VPS54: variants seen among roughly 807,000 people sequenced by gnomAD.
VPS54 encodes vacuolar protein sorting-associated protein 54.
A neutral mutation model predicts 121.5 loss-of-function variants in VPS54; 45 were observed. That is an observed-to-expected ratio of 0.37 (90% confidence interval 0.29 to 0.47). The LOEUF (loss-of-function observed/expected upper bound fraction) is 0.47. Among genes scored for constraint, VPS54 ranks in the 20% least tolerant of loss-of-function variants. The pLI is 0.99. For missense variants in VPS54, 1,090 were observed against 1,131.4 expected, an observed-to-expected ratio of 0.96 and a Z score of 0.52; for synonymous variants, 371 against 385.8, an observed-to-expected ratio of 0.96 and a Z score of 0.45.
chr2:63,908,252 C>T (rs1270192473), intron 20 of VPS54, among the ~76,000 whole-genome samples: 1 of 152,100 alleles, frequency 6.6e-6, no homozygotes, highest in Non-Finnish European at 1.5e-5. Context: ...GAACAAACCA[C>T]TGACACATGC....
intron 7 of VPS54, among the ~76,000 whole-genome samples, chr2:63,959,749 G>A (rs931551545): frequency 2.6e-5 from 4 of 151,988 alleles, no homozygotes; most frequent in East Asian, 1.9e-4. Flanking sequence ...GGCCAGGCAC[G>A]GTAGCTCACA....
chr2:63,940,766 T>C (rs1341024665), intron 11 of VPS54, among the ~76,000 whole-genome samples: 1 of 152,198 alleles, frequency 6.6e-6, no homozygotes, highest in Admixed American at 6.5e-5. Context: ...TTCTACACTA[T>C]GCAATGTAAG....
chr2:63,946,111 A>T (rs550469571), intron 9 of VPS54, among the ~76,000 whole-genome samples: 1 of 152,208 alleles, frequency 6.6e-6, no homozygotes, highest in South Asian at 2.1e-4. Context: ...TTTTGCCTGC[A>T]TTTGAGTTTT....
intron 7 of VPS54, among the ~76,000 whole-genome samples, chr2:63,952,636 A>G (rs1238346081): frequency 6.6e-6 from 1 of 152,202 alleles, no homozygotes; most frequent in Admixed American, 6.5e-5. Context: ...AACAAATCTG[A>G]TAAGTGAAAT....
chr2:63,894,528 C>T lies in VPS54; in HGVS notation c.2829-993G>A, dbSNP rs538033122. On this transcript the variant is annotated intron_variant, in intron 22 of 22. Transcript: ENST00000272322. The stretch of plus-strand genomic sequence containing the variant: ...ACCAGCCTGGGCAACATAGTGAGAC[C>T]TCGTCTCTACAAAAAATTAAAAAAA... 3.9e-5 allele frequency among the ~76,000 whole-genome samples: 6 copies of T among 152,014 alleles called. No individual in the cohort carries two copies. The East Asian group carries it at 7.7e-4, about 20-fold the overall frequency.
Position 63,935,882 on chromosome 2 carries a change from C to T in VPS54, c.1399-1869G>A, listed in dbSNP as rs531455818. Among the ~76,000 whole-genome samples, 7 of 151,964 alleles carry T rather than the reference C, an allele frequency of 4.6e-5. No individual in the cohort carries two copies. In the South Asian group the frequency reaches 1.0e-3, roughly 23 times the overall value. Reference sequence around the variant, plus strand: ...TGAAAAATTCTAAATTTGGCTTAATCGATAAAGGAATTTCATTTGGTGACT... The same window carrying T: ...TGAAAAATTCTAAATTTGGCTTAATTGATAAAGGAATTTCATTTGGTGACT... On this transcript the variant is annotated intron_variant, in intron 11 of 22. Coordinates refer to ENST00000272322, the MANE Select transcript of VPS54 (RefSeq NM_016516.3).
intron 1 of VPS54, among the ~76,000 whole-genome samples, chr2:63,989,505 A>G (rs991765005): frequency 1.2e-4 from 19 of 152,316 alleles, no homozygotes; most frequent in African/African-American, 4.6e-4. Flanking sequence ...GGAAAATAGA[A>G]AAGAACCCAC....
chr2:63,921,075 G>C (rs1673619327), intron 13 of VPS54, 131 bp downstream of exon 13: 3 of 964,606 alleles, frequency 3.1e-6, no homozygotes, highest in Non-Finnish European at 4.3e-6. Flanking sequence ...GACCACATCA[G>C]TGGTAACACT....
intron 1 of VPS54, among the ~76,000 whole-genome samples, chr2:64,014,308 T>G (rs930785638): frequency 1.3e-5 from 2 of 152,192 alleles, no homozygotes; most frequent in African/African-American, 4.8e-5. Context: ...ACACTAAAAC[T>G]TTTTGAATAA....
At chr2:64,004,969 G>A (rs183991216) in intron 1 of VPS54, among the ~76,000 whole-genome samples, 33 of 151,698 alleles carry the variant, frequency 2.2e-4, no homozygotes, top group Admixed American at 2.0e-3. Flanking sequence ...GTAGAGACGA[G>A]GTCTCACTAT....
intron 5 of VPS54, among the ~76,000 whole-genome samples, chr2:63,968,668 G>A (rs1214348391): frequency 6.6e-6 from 1 of 152,102 alleles, no homozygotes; most frequent in Non-Finnish European, 1.5e-5. Context: ...ACAGTGAACT[G>A]AGATTGCACC....
chr2:63,931,077 T>C (rs1189332438), intron 12 of VPS54, among the ~76,000 whole-genome samples: 2 of 152,092 alleles, frequency 1.3e-5, no homozygotes, highest in Non-Finnish European at 2.9e-5. Flanking sequence ...ATTGTGAAAA[T>C]GGCCTTACTG....
chr2:63,961,636 TAAAC>T (rs1325874050), intron 7 of VPS54, among the ~76,000 whole-genome samples: 1 of 152,224 alleles, frequency 6.6e-6, no homozygotes, highest in African/African-American at 2.4e-5. Context: ...TGCAATTTGA[TAAAC>T]AGACTGCAAA....
chr2:63,925,719 C>T (rs574106133), intron 12 of VPS54, among the ~76,000 whole-genome samples: 3 of 151,990 alleles, frequency 2.0e-5, no homozygotes, highest in Non-Finnish European at 2.9e-5. Flanking sequence ...TAATGCTGAA[C>T]GAAAGAAATC....
intron 7 of VPS54, among the ~76,000 whole-genome samples, chr2:63,951,206 C>CTTTTT (rs71245641): frequency 1.5e-5 from 2 of 134,342 alleles, no homozygotes. Flanking sequence ...ACAAATTTCC[C>CTTTTT]TTTTTTTTTT....
chr2:64,005,316 G>A (rs184337885), intron 1 of VPS54, among the ~76,000 whole-genome samples: 4,530 of 150,414 alleles, frequency 0.03, 241 homozygotes, highest in African/African-American at 0.11. Flanking sequence ...TGTTAGCCAA[G>A]ATGGTCTCGA....
intron 20 of VPS54, 53 bp downstream of exon 20, chr2:63,912,292 T>G: frequency 7.1e-7 from 1 of 1,418,056 alleles, no homozygotes; most frequent in South Asian, 1.3e-5. Context: ...CCTTATAAAA[T>G]AGAAAATCAT....
chr2:63,964,321 T>G (rs1339492810), intron 6 of VPS54, among the ~76,000 whole-genome samples: 1 of 152,204 alleles, frequency 6.6e-6, no homozygotes, highest in Non-Finnish European at 1.5e-5. Context: ...GTCTCAAAGA[T>G]TTTTTGAATT....
chr2:63,907,223 T>C (rs550526973), intron 20 of VPS54, among the ~76,000 whole-genome samples: 34 of 152,262 alleles, frequency 2.2e-4, no homozygotes, highest in African/African-American at 7.9e-4. Flanking sequence ...ACTTGGGTTA[T>C]ACAAAGATTT....
Sources: allele counts gnomAD v4.1 joint callset (sites outside exome capture counted in the v4.1 genomes callset), GRCh38; gene constraint gnomAD v4.1.1; transcripts MANE v1.5; gene names NCBI Gene and HGNC (gene_info 2026-07-23, HGNC 2026-07-21).